The following ETV6 variants were observed in gnomAD, a reference collection of about 807,000 sequenced individuals.
ETV6 encodes ETS variant transcription factor 6.
ETV6 carries 16 observed loss-of-function variants against 51.1 expected under a neutral mutation model. The ratio of observed to expected loss-of-function variants is 0.31; its 90% CI spans 0.21 to 0.48. ETV6 has a LOEUF of 0.48. Among genes scored for constraint, ETV6 ranks in the 20% least tolerant of loss-of-function variants. The pLI is 0.99. For missense variants in ETV6, 458 were observed against 594.8 expected (o/e 0.77, Z 2.39); for synonymous variants, 240 against 224.1 (o/e 1.07, Z -0.64).
intron 1 of ETV6, among the ~76,000 whole-genome samples, chr12:11,693,142 A>G (rs1864798985): frequency 1.3e-5 from 2 of 152,166 alleles, no homozygotes; most frequent in African/African-American, 4.8e-5. Context: ...TTGGGAGAGA[A>G]GACTTACGGT....
At chr12:11,738,090 T>C (rs1055246416) in intron 1 of ETV6, among the ~76,000 whole-genome samples, 2 of 152,194 alleles carry the variant, frequency 1.3e-5, no homozygotes, top group African/African-American at 4.8e-5. Context: ...TATCTTACCA[T>C]GTAGCATTCT....
At chr12:11,702,593 C>G (rs931097876) in intron 1 of ETV6, among the ~76,000 whole-genome samples, 2 of 151,182 alleles carry the variant, frequency 1.3e-5, no homozygotes, top group African/African-American at 4.9e-5. Flanking sequence ...CCCTTCCCCA[C>G]TGCCTGTAAT....
chr12:11,738,200 T>C (rs1865740233), intron 1 of ETV6, among the ~76,000 whole-genome samples: 1 of 148,968 alleles, frequency 6.7e-6, no homozygotes, highest in Non-Finnish European at 1.5e-5. Context: ...CTTGCTTGCT[T>C]TCTCCTTCCT....
chr12:11,890,518 C>T (rs570754741), intron 7 of ETV6, among the ~76,000 whole-genome samples: 1 of 151,748 alleles, frequency 6.6e-6, no homozygotes, highest in African/African-American at 2.4e-5. Context: ...GCCTTAACCT[C>T]CTGAGCTTAA....
At chr12:11,725,850 C>T (rs935590876) in intron 1 of ETV6, among the ~76,000 whole-genome samples, 8 of 152,316 alleles carry the variant, frequency 5.3e-5, no homozygotes, top group East Asian at 1.9e-4. Context: ...CTTTCCGCCA[C>T]GAGTGGAAGC....
At chr12:11,732,910 C>T (rs931985263) in intron 1 of ETV6, among the ~76,000 whole-genome samples, 3 of 152,202 alleles carry the variant, frequency 2.0e-5, no homozygotes, top group Non-Finnish European at 4.4e-5. Flanking sequence ...GTGTCACTTT[C>T]ATTCTTACTC....
At chr12:11,789,513 T>A (rs536510960) in intron 2 of ETV6, among the ~76,000 whole-genome samples, 1 of 152,276 alleles carries the variant, frequency 6.6e-6, no homozygotes, top group East Asian at 1.9e-4. Context: ...ACTTTTTCTC[T>A]CCTTCGGGTG....
intron 4 of ETV6, among the ~76,000 whole-genome samples, chr12:11,856,957 A>G (rs887541814): frequency 3.9e-5 from 6 of 152,214 alleles, no homozygotes; most frequent in African/African-American, 1.4e-4. Context: ...TGGCATAGGT[A>G]AGTAGGTAGG....
chr12:11,696,745 G>A (rs1017873512), intron 1 of ETV6, among the ~76,000 whole-genome samples: 3 of 152,162 alleles, frequency 2.0e-5, no homozygotes, highest in Non-Finnish European at 4.4e-5. Context: ...GAACCCGGGA[G>A]ATGGAGGTTG....
intron 2 of ETV6, among the ~76,000 whole-genome samples, chr12:11,772,512 G>A (rs7973524): frequency 0.22 from 34,032 of 152,064 alleles, 4,419 homozygotes; most frequent in South Asian, 0.49. Context: ...GTGTACATTT[G>A]AAGGAAACCA....
At chr12:11,686,869 G>C (rs1440976218) in intron 1 of ETV6, among the ~76,000 whole-genome samples, 1 of 151,996 alleles carries the variant, frequency 6.6e-6, no homozygotes, top group Non-Finnish European at 1.5e-5. Context: ...ATTTAAGTTT[G>C]CTTGGCAATA....
intron 2 of ETV6, among the ~76,000 whole-genome samples, chr12:11,832,307 A>ACTTGTTTG (rs1946255350): frequency 3.3e-5 from 5 of 152,222 alleles, no homozygotes; most frequent in Non-Finnish European, 7.3e-5. Flanking sequence ...GCAAACATTG[A>ACTTGTTTG]CAGAAGGGAA....
At position 11,894,315 on chromosome 12, in the gene ETV6, G is replaced by A. The variant is rs1392774094; in HGVS notation, c.*3269G>A. ...TGTGCATTCTCACTTGGGTCTTGAAGTTCTCATTCCTACATCTCAAGCTAG... is the reference window on the plus strand; with the variant it reads ...TGTGCATTCTCACTTGGGTCTTGAAATTCTCATTCCTACATCTCAAGCTAG... On this transcript the variant is annotated 3_prime_UTR_variant, in exon 8 of 8. Coordinates refer to ENST00000396373, the MANE Select transcript of ETV6 (RefSeq NM_001987.5). 2 of 232,912 alleles carry A rather than the reference G, an allele frequency of 8.6e-6. No individual in the cohort carries two copies. Among genetic ancestry groups the A allele is most frequent in the Non-Finnish European group, 1.7e-5 (2 of 117,896 alleles). The allele number at this position is 232,912 out of a possible 1,614,324, so 14.4% of individuals were successfully genotyped here. A position where few individuals can be genotyped will look rare whatever the true frequency, so the allele number is the denominator to read the frequency against.
rs991136887 is a variant in ETV6, at chr12:11,869,037, C to A, written c.464-387C>A. On this transcript the variant is annotated intron_variant, in intron 4 of 7. Coordinates refer to ENST00000396373, the MANE Select transcript of ETV6 (RefSeq NM_001987.5). This position sits in a 1 kb window ranked among gnomAD's most constrained non-coding sequence, Gnocchi z 5.0. ...AGAGCACGAGGTCAGGAGACCCAGA[C>A]CATCCTGGCTAACACGGTGAAACCC... Among the ~76,000 whole-genome samples the A allele has an allele frequency of 1.3e-5, 2 of 152,074 alleles. No individual in the cohort carries two copies. The highest frequency in any genetic ancestry group is 2.9e-5 in the Non-Finnish European group (2 of 68,010).
At chr12:11,704,062 A>G (rs1865030025) in intron 1 of ETV6, among the ~76,000 whole-genome samples, 1 of 152,226 alleles carries the variant, frequency 6.6e-6, no homozygotes, top group Non-Finnish European at 1.5e-5. Flanking sequence ...TTTAGTTGAA[A>G]TTATTACAAC....
intron 1 of ETV6, among the ~76,000 whole-genome samples, chr12:11,669,952 T>C (rs1864281710): frequency 1.3e-5 from 2 of 151,050 alleles, no homozygotes; most frequent in East Asian, 1.9e-4. Flanking sequence ...TTCACTCATC[T>C]TCACACCATC....
At chr12:11,798,508 G>A (rs1459526484) in intron 2 of ETV6, among the ~76,000 whole-genome samples, 3 of 152,182 alleles carry the variant, frequency 2.0e-5, no homozygotes, top group Admixed American at 1.3e-4. Flanking sequence ...TGCGAGCCAC[G>A]TGGGTAGCTC....
At chr12:11,674,991 G>A (rs1864393102) in intron 1 of ETV6, among the ~76,000 whole-genome samples, 1 of 152,210 alleles carries the variant, frequency 6.6e-6, no homozygotes, top group African/African-American at 2.4e-5. Context: ...ATGCATCATG[G>A]GCTGTGAAGG....
At chr12:11,883,276 CTTTTTTTTT>C (rs547786286) in intron 5 of ETV6, among the ~76,000 whole-genome samples, 1,228 of 79,142 alleles carry the variant, frequency 0.016, 48 homozygotes, top group East Asian at 0.023. Flanking sequence ...ATGTCTTCTT[CTTTTTTTTT>C]TTTTTTTTTT....
Sources: gnomAD v4.1 joint callset for allele counts (sites outside exome capture counted in the v4.1 genomes callset) on GRCh38, gnomAD v4.1.1 for gene constraint, Gnocchi (gnomAD v3.1) non-coding constraint, MANE v1.5 for transcripts, NCBI Gene and HGNC (gene_info 2026-07-23, HGNC 2026-07-21) for gene names.